Variants in NNT observed in about 807,000 individuals in gnomAD.
NNT encodes the protein nicotinamide nucleotide transhydrogenase, also known as NAD(P) transhydrogenase, mitochondrial.
NNT carries 50 observed loss-of-function variants against 104.8 expected under a neutral mutation model. The observed-to-expected ratio is 0.48, with a 90% CI of 0.38 to 0.60. The LOEUF (loss-of-function observed/expected upper bound fraction) is 0.60. Among genes scored for constraint, NNT ranks in the 20% least tolerant of loss-of-function variants. The probability of loss-of-function intolerance (pLI) is 0.00; values close to 1 mark genes in which losing one functional copy is unlikely to be tolerated. For synonymous variants in NNT, 461 were observed against 490.4 expected (o/e 0.94, Z 0.79); for missense variants, 1,131 against 1,330.7 (o/e 0.85, Z 2.33).
intron 7 of NNT, among the ~76,000 whole-genome samples, chr5:43,638,898 A>C (rs547792383): frequency 1.1e-3 from 166 of 151,480 alleles, no homozygotes; most frequent in Non-Finnish European, 1.7e-3. Flanking sequence ...GTATGATTAG[A>C]GTGTGAGGGC....
In NNT at chr5:43,628,268, G is replaced by A. The variant is rs1750473799; in HGVS notation, c.845G>A (p.Gly282Asp). The A allele has an allele frequency of 6.2e-7, 1 of 1,613,868 alleles. No homozygotes were observed. The highest frequency in any genetic ancestry group is 1.7e-5 in the Admixed American group (1 of 59,986). Residue 282 changes from glycine to aspartate, a missense_variant, in exon 7 of 22, where the codon GGT becomes GAT. By Grantham distance (94) the Gly-to-Asp change is moderately conservative (BLOSUM62 -1). Transcript: ENST00000344920. Reference protein sequence around the residue: ...EPLEVDLKESGEGQGGYAKEM... With the variant: ...EPLEVDLKESDEGQGGYAKEM... The stretch of plus-strand genomic sequence containing the variant: ...TTGGAGGTGGACTTGAAGGAATCTG[G>A]TGAGGGACAAGGAGGATATGCAAAA...
Position 43,700,142 on chromosome 5 carries a change from G to C in NNT, c.2900G>C (p.Gly967Ala). Residue 967 changes from glycine to alanine, a missense_variant, in exon 20 of 22, where the codon GGC becomes GCC. Physicochemically the swap from Gly to Ala is moderately conservative, Grantham distance 60. Transcript: ENST00000344920. The part of the protein sequence containing the change: ...KVRFGIHPVA[G>A]RMPGQLNVLL... ...AGGTTTGGAATTCACCCAGTTGCAG[G>C]CCGAATGCCTGGTCAGCTTAATGTG... 1.2e-6 allele frequency: 2 copies of C among 1,612,544 alleles called. No homozygotes were observed. The highest frequency in any genetic ancestry group is 1.7e-6 in the Non-Finnish European group (2 of 1,179,220).
At chr5:43,699,116 T>A (rs1336691110) in intron 19 of NNT, among the ~76,000 whole-genome samples, 1 of 151,942 alleles carries the variant, frequency 6.6e-6, no homozygotes, top group African/African-American at 2.4e-5. Flanking sequence ...GGGCAAGAGG[T>A]TGGATTAAAA....
chr5:43,609,168 A>G lies in NNT; in HGVS notation c.-28A>G, dbSNP rs759821617. 23 of 1,584,900 alleles carry G rather than the reference A, an allele frequency of 1.5e-5. No individual in the cohort carries two copies. The Admixed American group carries it at 2.8e-4, about 19-fold the overall frequency. ...TGATTTGCCTTCAAGGAAACTGGGGAGTCAGAAAATTGGGAACTCATATCA... is the reference window on the plus strand; with the variant it reads ...TGATTTGCCTTCAAGGAAACTGGGGGGTCAGAAAATTGGGAACTCATATCA... On this transcript the variant is annotated 5_prime_UTR_variant, in exon 2 of 22. Transcript: ENST00000344920.
chr5:43,670,357 C>A lies in NNT; in HGVS notation c.2635-5154C>A, dbSNP rs562360173. 2.6e-5 allele frequency among the ~76,000 whole-genome samples: 4 copies of A among 152,186 alleles called. No homozygotes were observed. The South Asian group carries it at 8.3e-4, about 32-fold the overall frequency. ...TGTGTTTGCTCTTGCTTCTCTAGTT[C>A]TTTTAATTGTGATGTTAGGGTGTCA... On this transcript the variant is annotated intron_variant, in intron 17 of 21. Transcript: ENST00000344920.
intron 5 of NNT, among the ~76,000 whole-genome samples, chr5:43,622,145 G>T (rs1010863414): frequency 7.2e-5 from 11 of 152,216 alleles, no homozygotes; most frequent in African/African-American, 2.4e-4. Context: ...GACGATGGCG[G>T]CACCAGAAAT....
At chr5:43,609,810 C>T (rs1749412106) in intron 2 of NNT, among the ~76,000 whole-genome samples, 1 of 152,210 alleles carries the variant, frequency 6.6e-6, no homozygotes, top group African/African-American at 2.4e-5. Context: ...ATTCTACATC[C>T]TCCTAGTAGG....
At chr5:43,633,327 C>G (rs561085188) in intron 7 of NNT, among the ~76,000 whole-genome samples, 13 of 152,296 alleles carry the variant, frequency 8.5e-5, no homozygotes, top group African/African-American at 3.1e-4. Context: ...TGGTGTTAAA[C>G]TAATATCTTA....
intron 17 of NNT, chr5:43,667,067 T>C (rs1481174869): frequency 1.3e-6 from 2 of 1,593,350 alleles, no homozygotes; most frequent in Non-Finnish European, 1.7e-6. Context: ...GCCTGCATCT[T>C]CTTTAGGCCC....
intron 17 of NNT, among the ~76,000 whole-genome samples, chr5:43,662,353 T>A (rs1740415105): frequency 6.6e-6 from 1 of 152,178 alleles, no homozygotes; most frequent in South Asian, 2.1e-4. Flanking sequence ...TCTGCAATTA[T>A]ATCATCTTTC....
chr5:43,694,231 A>G (rs969051283), intron 19 of NNT, among the ~76,000 whole-genome samples: 9 of 152,138 alleles, frequency 5.9e-5, no homozygotes, highest in African/African-American at 2.2e-4. Flanking sequence ...CCAGACAGGG[A>G]TGGTTTGACT....
rs756097432 is a variant in NNT, at chr5:43,700,242, G to A, written c.2995+5G>A. On this transcript the variant is annotated splice_donor_5th_base_variant and intron_variant, in intron 20 of 21. Coordinates refer to ENST00000344920, the MANE Select transcript of NNT (RefSeq NM_182977.3). ...AGATCAACCATGATTTTCCAGGTAA[G>A]TGGTGGGGGCAATTGTGAAGTTTAA... 10 of 1,594,294 alleles carry A rather than the reference G, an allele frequency of 6.3e-6. No homozygotes were observed. Among genetic ancestry groups the A allele is most frequent in the Non-Finnish European group, 8.6e-6 (10 of 1,162,746 alleles).
intron 2 of NNT, among the ~76,000 whole-genome samples, chr5:43,612,466 G>T (rs912519261): frequency 6.6e-6 from 1 of 152,210 alleles, no homozygotes; most frequent in African/African-American, 2.4e-5. Flanking sequence ...AACTTTGAGT[G>T]TGGCAGGCCA....
At chr5:43,606,300 G>GA (rs908023465) in intron 1 of NNT, among the ~76,000 whole-genome samples, 4 of 151,854 alleles carry the variant, frequency 2.6e-5, no homozygotes, top group South Asian at 2.1e-4. Flanking sequence ...TAATGGTGGG[G>GA]AAAAAAAATC....
At chr5:43,611,957 T>C (rs1210756058) in intron 2 of NNT, among the ~76,000 whole-genome samples, 1 of 152,198 alleles carries the variant, frequency 6.6e-6, no homozygotes, top group Non-Finnish European at 1.5e-5. Context: ...CATCAGATTA[T>C]ATTTTGTGAT....
At chr5:43,691,017 A>T (rs1203751160) in intron 19 of NNT, among the ~76,000 whole-genome samples, 1 of 151,860 alleles carries the variant, frequency 6.6e-6, no homozygotes, top group African/African-American at 2.4e-5. Flanking sequence ...TTTATTTGAA[A>T]ATCACAGTTT....
chr5:43,638,727 C>T (rs142858873), intron 7 of NNT, among the ~76,000 whole-genome samples: 3 of 151,512 alleles, frequency 2.0e-5, no homozygotes, highest in African/African-American at 7.3e-5. Flanking sequence ...AGGAATTTCC[C>T]CATCTGATTA....
At chr5:43,682,383 G>C (rs968768205) in intron 19 of NNT, among the ~76,000 whole-genome samples, 4 of 151,782 alleles carry the variant, frequency 2.6e-5, no homozygotes, top group African/African-American at 9.7e-5. Flanking sequence ...ACTAATTTTT[G>C]TATTTTTAGT....
chr5:43,702,783 C>A, intron 21 of NNT, 47 bp downstream of exon 21: 1 of 1,300,372 alleles, frequency 7.7e-7, no homozygotes, highest in Non-Finnish European at 1.1e-6. Context: ...AAGGTCACTT[C>A]AAATATACAC....
Sources: gnomAD v4.1 joint callset for allele counts (sites outside exome capture counted in the v4.1 genomes callset) on GRCh38, gnomAD v4.1.1 for gene constraint, MANE v1.5 for transcripts, NCBI Gene and HGNC (gene_info 2026-07-23, HGNC 2026-07-21) for gene names.